Variants in RXFP1 observed in about 807,000 individuals in gnomAD.
RXFP1 encodes relaxin receptor 1.
A neutral mutation model predicts 89.8 loss-of-function variants in RXFP1; 73 were observed. The ratio of observed to expected loss-of-function variants is 0.81; its 90% confidence interval spans 0.67 to 0.99. The LOEUF is 0.99. Ranked by LOEUF, RXFP1 falls within the 50% of genes least tolerant of loss-of-function variation. The pLI is 0.00. For synonymous variants in RXFP1, 277 were observed against 305.5 expected, an observed-to-expected ratio of 0.91 and a Z score of 0.97; for missense variants, 793 against 895.5, an observed-to-expected ratio of 0.89 and a Z score of 1.46.
At chr4:158,599,692 T>A (rs1433003820) in intron 4 of RXFP1, among the ~76,000 whole-genome samples, 1 of 152,142 alleles carries the variant, frequency 6.6e-6, no homozygotes, top group Non-Finnish European at 1.5e-5. Flanking sequence ...ACAAAAAAAG[T>A]CATCAATTGC....
At chr4:158,627,208 T>G (rs1767027186) in intron 10 of RXFP1, among the ~76,000 whole-genome samples, 1 of 152,116 alleles carries the variant, frequency 6.6e-6, no homozygotes, top group African/African-American at 2.4e-5. Context: ...TGTTAATGAG[T>G]GTAATTCCTT....
At chr4:158,602,102 T>C (rs1017983450) in intron 4 of RXFP1, among the ~76,000 whole-genome samples, 4 of 152,192 alleles carry the variant, frequency 2.6e-5, no homozygotes, top group Admixed American at 6.5e-5. Flanking sequence ...TTTTAAAATA[T>C]AAGGATTTGT....
At chr4:158,590,350 G>T (rs757634959) in intron 2 of RXFP1, among the ~76,000 whole-genome samples, 1 of 152,038 alleles carries the variant, frequency 6.6e-6, no homozygotes, top group Non-Finnish European at 1.5e-5. Context: ...TTTCTAATGG[G>T]GGTTTCTCCA....
chr4:158,649,485 G>A (rs1320187975), intron 17 of RXFP1, among the ~76,000 whole-genome samples: 11 of 152,012 alleles, frequency 7.2e-5, no homozygotes, highest in Admixed American at 6.6e-4. Context: ...GTTGCCTCAC[G>A]CCTGTAATCT....
intron 1 of RXFP1, among the ~76,000 whole-genome samples, chr4:158,548,570 G>C (rs976887873): frequency 1.3e-5 from 2 of 152,098 alleles, no homozygotes; most frequent in Non-Finnish European, 2.9e-5. Context: ...TTTTGGCATG[G>C]TTTTGCAGTG....
At chr4:158,565,072 C>A (rs939070161) in intron 1 of RXFP1, among the ~76,000 whole-genome samples, 1 of 152,058 alleles carries the variant, frequency 6.6e-6, no homozygotes, top group Non-Finnish European at 1.5e-5. Context: ...TTAGAGGGGG[C>A]TGGTGCCTGG....
chr4:158,588,124 T>A (rs1437461015), intron 2 of RXFP1, among the ~76,000 whole-genome samples: 2 of 152,152 alleles, frequency 1.3e-5, no homozygotes, highest in Non-Finnish European at 2.9e-5. Context: ...GAACATTTTG[T>A]AAGGCTCCTG....
At chr4:158,599,615 A>C (rs1000918096) in intron 4 of RXFP1, among the ~76,000 whole-genome samples, 184 bp downstream of exon 4, 14 of 152,188 alleles carry the variant, frequency 9.2e-5, no homozygotes, top group African/African-American at 3.1e-4. Flanking sequence ...CCCACCTTAA[A>C]TTATTCTTTA....
intron 1 of RXFP1, among the ~76,000 whole-genome samples, chr4:158,562,147 A>T (rs1752576811): frequency 6.6e-6 from 1 of 152,144 alleles, no homozygotes; most frequent in South Asian, 2.1e-4. Flanking sequence ...TCTTAATCAT[A>T]AAAAACACTC....
intron 1 of RXFP1, among the ~76,000 whole-genome samples, chr4:158,539,105 A>G (rs554226699): frequency 2.6e-5 from 4 of 152,334 alleles, no homozygotes; most frequent in African/African-American, 7.2e-5. Flanking sequence ...GAAGCATTAC[A>G]CTGAGATGGC....
In RXFP1 at chr4:158,612,158, C is replaced by A. The variant is rs1029149426; in HGVS notation, c.565C>A (p.Leu189Met). Residue 189 changes from leucine to methionine, a missense_variant, in exon 7 of 18, where the codon CTG becomes ATG. Physicochemically the swap from Leu to Met is conservative, Grantham distance 15. Coordinates refer to ENST00000307765, the MANE Select transcript of RXFP1 (RefSeq NM_021634.4). Reference sequence around the variant, plus strand: ...TCTCAGTCATAACAGAATAACCTTCCTGAAGCCGGGTGTTTTTGAAGATCT... The same window carrying A: ...TCTCAGTCATAACAGAATAACCTTCATGAAGCCGGGTGTTTTTGAAGATCT... The part of the protein sequence containing the change: ...LYLSHNRITF[L>M]KPGVFEDLHR... 6.2e-7 allele frequency: 1 copy of A among 1,611,104 alleles called. No homozygotes were observed. Among genetic ancestry groups the A allele is most frequent in the Non-Finnish European group, 8.5e-7 (1 of 1,179,116 alleles).
At chr4:158,608,244 C>T (rs1233962648) in intron 6 of RXFP1, among the ~76,000 whole-genome samples, 1 of 144,998 alleles carries the variant, frequency 6.9e-6, no homozygotes, top group Admixed American at 6.9e-5. Context: ...GCCTTACTTA[C>T]TAGGTGTGTG....
intron 10 of RXFP1, 45 bp from the exon 11 acceptor site, chr4:158,628,593 C>G (rs760892895): frequency 1.1e-6 from 1 of 906,962 alleles, no homozygotes; most frequent in Non-Finnish European, 1.8e-6. Context: ...TAATTCTTGT[C>G]GGTTACCTAA....
chr4:158,599,035 A>C (rs1336345247), intron 3 of RXFP1, among the ~76,000 whole-genome samples: 2 of 150,906 alleles, frequency 1.3e-5, no homozygotes, highest in East Asian at 2.0e-4. Flanking sequence ...ATGAAATAAG[A>C]GCAGATTATT....
chr4:158,585,816 A>G (rs1056215339), intron 2 of RXFP1, among the ~76,000 whole-genome samples: 3 of 152,266 alleles, frequency 2.0e-5, no homozygotes, highest in African/African-American at 7.2e-5. Context: ...TACAGTAAGT[A>G]TAATAAGACC....
rs990676396 is a variant in RXFP1 at position 158,599,664 on chromosome 4, T to C, written c.392+233T>C. On this transcript the variant is annotated intron_variant, in intron 4 of 17. Coordinates refer to ENST00000307765, the MANE Select transcript of RXFP1 (RefSeq NM_021634.4). ...TAATAATCCTGCAAGGTATGGAGTG[T>C]CACCATATTTTATCTAAACAAAAAA... is the stretch of plus-strand genomic sequence containing the variant. Among the ~76,000 whole-genome samples the C allele has an allele frequency of 4.6e-5, 7 of 152,182 alleles. No individual in the cohort carries two copies. In the East Asian group the frequency reaches 1.2e-3, roughly 25 times the overall value.
chr4:158,529,908 C>G (rs1743605625), intron 1 of RXFP1, among the ~76,000 whole-genome samples: 2 of 152,206 alleles, frequency 1.3e-5, no homozygotes, highest in Admixed American at 6.5e-5. Flanking sequence ...TTAGGACTTT[C>G]ATAGAGAACA....
At chr4:158,610,623 A>G (rs1355167482) in intron 6 of RXFP1, 1 of 1,237,880 alleles carries the variant, frequency 8.1e-7, no homozygotes, top group South Asian at 1.3e-5. Flanking sequence ...GAAAGGAGTG[A>G]TTATCTCAGG....
At chr4:158,611,249 A>G (rs1053603786) in intron 6 of RXFP1, among the ~76,000 whole-genome samples, 1 of 152,218 alleles carries the variant, frequency 6.6e-6, no homozygotes, top group Admixed American at 6.5e-5. Context: ...TCAGGAATCA[A>G]ACTGTTCGAT....
Sources: allele counts gnomAD v4.1 joint callset (sites outside exome capture counted in the v4.1 genomes callset), GRCh38; gene constraint gnomAD v4.1.1; transcripts MANE v1.5; gene names NCBI Gene and HGNC (gene_info 2026-07-23, HGNC 2026-07-21).